The following MAP2K5 variants were observed in gnomAD, a reference collection of about 807,000 sequenced individuals.
The protein encoded by MAP2K5 is dual specificity mitogen-activated protein kinase kinase 5.
A neutral mutation model predicts 83.1 loss-of-function variants in MAP2K5; 49 were observed. The ratio of observed to expected loss-of-function variants is 0.59; its 90% confidence interval spans 0.47 to 0.75. The LOEUF (loss-of-function observed/expected upper bound fraction) is 0.75. Ranked by LOEUF, MAP2K5 falls within the 30% of genes least tolerant of loss-of-function variation. The pLI, the probability that MAP2K5 is intolerant of heterozygous loss-of-function variation, is 0.00. For missense variants in MAP2K5, 457 were observed against 557.5 expected (o/e 0.82, Z 1.82); for synonymous variants, 202 against 191.8 (o/e 1.05, Z -0.44).
chr15:67,693,713 T>C, intron 15 of MAP2K5, 145 bp downstream of exon 15: 1 of 610,704 alleles, frequency 1.6e-6, no homozygotes. Flanking sequence ...ATCTGATTTT[T>C]AAATCTTTCT....
chr15:67,776,379 G>A (rs974545030), intron 21 of MAP2K5, among the ~76,000 whole-genome samples: 2 of 152,150 alleles, frequency 1.3e-5, no homozygotes. Flanking sequence ...AGACAGTAGA[G>A]ACCCTGAGGA....
At chr15:67,754,134 T>C (rs2089781025) in intron 19 of MAP2K5, among the ~76,000 whole-genome samples, 1 of 152,226 alleles carries the variant, frequency 6.6e-6, no homozygotes, top group Admixed American at 6.5e-5. Flanking sequence ...TGCCAGGGAC[T>C]GGAGGGGAGA....
chr15:67,625,441 T>C (rs191609056), intron 8 of MAP2K5, among the ~76,000 whole-genome samples: 7 of 152,344 alleles, frequency 4.6e-5, no homozygotes, highest in African/African-American at 1.7e-4. Flanking sequence ...AGGTAATTAC[T>C]GTGGCAACAA....
At chr15:67,705,150 A>C (rs1245371713) in intron 16 of MAP2K5, among the ~76,000 whole-genome samples, 1 of 152,258 alleles carries the variant, frequency 6.6e-6, no homozygotes, top group Non-Finnish European at 1.5e-5. Context: ...ATGACATAAA[A>C]TGCAGAGGCA....
At chr15:67,546,594 A>C (rs762487827) in intron 1 of MAP2K5, 7 of 985,504 alleles carry the variant, frequency 7.1e-6, no homozygotes, top group Non-Finnish European at 8.4e-6. Flanking sequence ...AGGTAGAGAC[A>C]TTTGGGTCTT....
intron 21 of MAP2K5, among the ~76,000 whole-genome samples, chr15:67,800,297 T>C (rs150066544): frequency 5.5e-3 from 834 of 152,292 alleles, no homozygotes; most frequent in Middle Eastern, 0.034. Flanking sequence ...ACTTCAATAT[T>C]AATGTAGAAG....
chr15:67,623,880 A>G (rs1943155182), intron 8 of MAP2K5, among the ~76,000 whole-genome samples: 1 of 148,312 alleles, frequency 6.7e-6, no homozygotes, highest in Non-Finnish European at 1.5e-5. Flanking sequence ...TACAGGTGTG[A>G]GCCACCGCCC....
rs2088143984 is a variant in MAP2K5, at chr15:67,692,638, C to G, written c.921+86C>G. ...TCTGTTCTCTGGATTGAAAAATCAC[C>G]TAGCTGCCAGACAAACAGAAACTCT... On this transcript the variant is annotated intron_variant, in intron 14 of 21. Transcript: ENST00000178640. 5.9e-6 allele frequency: 6 copies of G among 1,010,916 alleles called. No homozygotes were observed. The East Asian group carries it at 9.8e-5, about 17-fold the overall frequency. The allele number at this position is 1,010,916 out of a possible 1,614,324, so 62.6% of individuals were successfully genotyped here.
At chr15:67,741,060 T>G (rs1417447861) in intron 17 of MAP2K5, among the ~76,000 whole-genome samples, 1 of 151,760 alleles carries the variant, frequency 6.6e-6, no homozygotes, top group African/African-American at 2.4e-5. Context: ...TGAATGCACT[T>G]TTAGCCTCCT....
intron 17 of MAP2K5, among the ~76,000 whole-genome samples, chr15:67,732,972 C>T (rs2089255351): frequency 6.6e-6 from 1 of 152,134 alleles, no homozygotes; most frequent in Non-Finnish European, 1.5e-5. Flanking sequence ...GGGGGCTTAA[C>T]AGCGACTGTG....
In MAP2K5 at chr15:67,690,615, CCT is replaced by C. The variant is rs1184115873; in HGVS notation, c.848-1861_848-1860del. Among the ~76,000 whole-genome samples, 1 of 151,224 alleles carries C rather than the reference CCT, an allele frequency of 6.6e-6. No individual in the cohort carries two copies. Among genetic ancestry groups the C allele is most frequent in the Admixed American group, 6.6e-5 (1 of 15,180 alleles). ...GTGGCACCATCTCAGCTCACTGCAA[CCT>C]CTGTTTCCCAGGTTGAAGCAATTCT... On this transcript the variant is annotated intron_variant, in intron 13 of 21. Coordinates refer to ENST00000178640, the MANE Select transcript of MAP2K5 (RefSeq NM_145160.3). This position sits in a 1 kb window ranked among gnomAD's most constrained non-coding sequence, Gnocchi z 4.3.
Position 67,550,067 on chromosome 15 carries a change from A to G in MAP2K5, c.169A>G (p.Thr57Ala). 1 of 1,613,702 alleles carries G rather than the reference A, an allele frequency of 6.2e-7. No homozygotes were observed. Among genetic ancestry groups the G allele is most frequent in the Non-Finnish European group, 8.5e-7 (1 of 1,179,680 alleles). The change falls in exon 2 of 22, where the codon ACT (threonine) becomes GCT (alanine). Residue 57 changes from threonine (T) to alanine (A), a missense_variant. This residue lies in a region of MAP2K5 where 234 missense variants were observed against 243.6 expected (regional missense o/e 0.96). Coordinates refer to ENST00000178640, the MANE Select transcript of MAP2K5 (RefSeq NM_145160.3). Reference sequence around the variant, plus strand: ...AGGCCAGGTTCTGCCTGAAGCAACAACTACAGCATTTGAATGTAAGTCTGG... The same window carrying G: ...AGGCCAGGTTCTGCCTGAAGCAACAGCTACAGCATTTGAATGTAAGTCTGG... ...VIGQVLPEATTTAFEYEDEDG... is the reference protein window; with the variant it reads ...VIGQVLPEATATAFEYEDEDG...
chr15:67,798,831 C>T (rs565776613), intron 21 of MAP2K5, among the ~76,000 whole-genome samples: 1 of 152,310 alleles, frequency 6.6e-6, no homozygotes, highest in East Asian at 1.9e-4. Flanking sequence ...AAATGAAGGG[C>T]TGGCAAGGAA....
At chr15:67,795,357 T>A (rs139757379) in intron 21 of MAP2K5, among the ~76,000 whole-genome samples, 1 of 152,376 alleles carries the variant, frequency 6.6e-6, no homozygotes, top group African/African-American at 2.4e-5. Context: ...TCCTAATATA[T>A]GCCTATAAAG....
At chr15:67,784,757 G>T (rs988039074) in intron 21 of MAP2K5, among the ~76,000 whole-genome samples, 3 of 152,216 alleles carry the variant, frequency 2.0e-5, no homozygotes, top group Non-Finnish European at 2.9e-5. Flanking sequence ...ACAGCTGTCT[G>T]GTCACAAACC....
At chr15:67,614,064 A>C (rs551086028) in intron 8 of MAP2K5, among the ~76,000 whole-genome samples, 1 of 152,290 alleles carries the variant, frequency 6.6e-6, no homozygotes, top group East Asian at 1.9e-4. Flanking sequence ...AAATTAGAGG[A>C]TCTAGAAGCA....
intron 11 of MAP2K5, among the ~76,000 whole-genome samples, chr15:67,653,830 G>A (rs575956297): frequency 6.6e-6 from 1 of 152,036 alleles, no homozygotes; most frequent in South Asian, 2.1e-4. Flanking sequence ...TTTCCTCTAA[G>A]CACGGCTTTA....
rs531155455 is a variant in MAP2K5, at chr15:67,628,216, C to G, written c.546-2672C>G. ...GATACTGAAGGCTGGGTGCAGTGGC[C>G]CATGCCTGTAATCCCAACACTTTGG... On this transcript the variant is annotated intron_variant, in intron 8 of 21. Coordinates refer to ENST00000178640, the MANE Select transcript of MAP2K5 (RefSeq NM_145160.3). 3 of 720,760 alleles carry G rather than the reference C, an allele frequency of 4.2e-6. No individual in the cohort carries two copies. In the East Asian group the frequency reaches 8.6e-5, roughly 21 times the overall value. 44.6% of individuals were successfully genotyped at this position (720,760 alleles called of 1,614,324 possible).
intron 11 of MAP2K5, among the ~76,000 whole-genome samples, chr15:67,648,289 A>C (rs923208353): frequency 2.0e-5 from 3 of 152,122 alleles, no homozygotes; most frequent in African/African-American, 7.2e-5. Context: ...CTATGGATTT[A>C]CCTATTCTGG....
Sources: allele counts gnomAD v4.1 joint callset (sites outside exome capture counted in the v4.1 genomes callset), GRCh38; gene constraint gnomAD v4.1.1; regional missense constraint gnomAD v4.1.1; non-coding constraint Gnocchi (gnomAD v3.1); transcripts MANE v1.5; gene names NCBI Gene and HGNC (gene_info 2026-07-23, HGNC 2026-07-21).